Variants in EFCAB6 observed in about 807,000 individuals in gnomAD.
EFCAB6 encodes the protein EF-hand calcium-binding domain-containing protein 6.
In EFCAB6, 156 loss-of-function variants were observed where a neutral mutation model predicts 169.8. The ratio of observed to expected loss-of-function variants is 0.92; its 90% CI spans 0.81 to 1.05. The LOEUF is 1.05. Ranked by LOEUF, EFCAB6 falls within the 50% of genes least tolerant of loss-of-function variation. The pLI is 0.00. For synonymous variants in EFCAB6, 698 were observed against 676.4 expected, an observed-to-expected ratio of 1.03 and a Z score of -0.50; for missense variants, 1,800 against 1,829.1, an observed-to-expected ratio of 0.98 and a Z score of 0.29.
In EFCAB6 at chr22:43,678,134, T is replaced by C. The variant is rs762482957; in HGVS notation, c.1281A>G (p.Glu427=). 1.6e-5 allele frequency: 26 copies of C among 1,613,442 alleles called. No homozygotes were observed. Among genetic ancestry groups the C allele is most frequent in the Non-Finnish European group, 2.0e-5 (24 of 1,179,944 alleles). The change falls in exon 13 of 32, where the codon GAA becomes GAG. Residue 427 remains glutamate (E), a synonymous_variant. Coordinates refer to ENST00000262726, the MANE Select transcript of EFCAB6 (RefSeq NM_022785.4). ...TKPDGPITRE[E]FRYILNCMAV... ...CCATGCAATTTAGAATATATCGAAA[T>C]TCTTCTCTTGTTATCGGTCCATCGG...
intron 3 of EFCAB6, among the ~76,000 whole-genome samples, chr22:43,774,282 G>C (rs1391669585): frequency 6.6e-6 from 1 of 151,178 alleles, no homozygotes; most frequent in Non-Finnish European, 1.5e-5. Context: ...CACCCAGAGG[G>C]CAGGCTAGGA....
chr22:43,532,554 A>G (rs1321581803), intron 30 of EFCAB6, among the ~76,000 whole-genome samples: 1 of 150,808 alleles, frequency 6.6e-6, no homozygotes, highest in Admixed American at 6.6e-5. Context: ...GCACAGAAGA[A>G]CTGAGCTGGC....
chr22:43,576,273 C>A, intron 26 of EFCAB6, 24 bp downstream of exon 26: 1 of 1,554,494 alleles, frequency 6.4e-7, no homozygotes, highest in Non-Finnish European at 8.6e-7. Context: ...CAAAGAGATG[C>A]TTATGTGCTG....
Position 43,681,598 on chromosome 22 carries a change from T to C in EFCAB6, c.1251+2149A>G, listed in dbSNP as rs2058008470. 2.0e-5 allele frequency among the ~76,000 whole-genome samples: 3 copies of C among 152,026 alleles called. No individual in the cohort carries two copies. In the South Asian group the frequency reaches 6.2e-4, roughly 31 times the overall value. ...CATGTTTTTGTAAGACATATTTCTA[T>C]GTATTTGATTTTTTAAAATGTTATT... On this transcript the variant is annotated intron_variant, in intron 12 of 31. Coordinates refer to ENST00000262726, the MANE Select transcript of EFCAB6 (RefSeq NM_022785.4).
rs36014478 is a variant in EFCAB6, at chr22:43,537,829, CTGTG to C, written c.3880-288_3880-285del. Among the ~76,000 whole-genome samples the C allele has an allele frequency of 6.6e-6, 1 of 151,166 alleles. No individual in the cohort carries two copies. On this transcript the variant is annotated intron_variant, in intron 28 of 31. Coordinates refer to ENST00000262726, the MANE Select transcript of EFCAB6 (RefSeq NM_022785.4). The surrounding 1 kb of genome is among the most constrained non-coding windows in gnomAD (Gnocchi z 4.3). ...CAGATGAGATGTAAACATATTTCTG[CTGTG>C]TGTGTGTGTGTGTGAGAAGTGACAA...
At chr22:43,732,623 C>A (rs562664923) in intron 7 of EFCAB6, among the ~76,000 whole-genome samples, 1 of 151,792 alleles carries the variant, frequency 6.6e-6, no homozygotes, top group Non-Finnish European at 1.5e-5. Context: ...TACACCACCA[C>A]GCCTGGCTAA....
chr22:43,804,801 T>C (rs947180430), intron 2 of EFCAB6, among the ~76,000 whole-genome samples: 1 of 150,166 alleles, frequency 6.7e-6, no homozygotes, highest in African/African-American at 2.4e-5. Context: ...TAAACACAAT[T>C]GAGACAAGAA....
intron 22 of EFCAB6, among the ~76,000 whole-genome samples, chr22:43,607,343 A>G (rs2052996607): frequency 6.6e-6 from 1 of 152,134 alleles, no homozygotes; most frequent in Admixed American, 6.5e-5. Flanking sequence ...GGGGTTTTGC[A>G]CAGTTGTTGC....
chr22:43,623,149 T>TA (rs978666401), intron 20 of EFCAB6, among the ~76,000 whole-genome samples: 12 of 152,182 alleles, frequency 7.9e-5, no homozygotes, highest in African/African-American at 2.9e-4. Context: ...TTTCTAAGGA[T>TA]AAAAAAGGAA....
intron 26 of EFCAB6, among the ~76,000 whole-genome samples, chr22:43,566,656 G>T (rs2049452645): frequency 6.6e-6 from 1 of 152,146 alleles, no homozygotes; most frequent in African/African-American, 2.4e-5. Context: ...TTTCACCCAA[G>T]TCCAACCACC....
chr22:43,673,119 T>C (rs1417709207), intron 13 of EFCAB6, among the ~76,000 whole-genome samples: 1 of 152,136 alleles, frequency 6.6e-6, no homozygotes, highest in Non-Finnish European at 1.5e-5. Context: ...TCAAGGTACA[T>C]TTGGATACTA....
intron 21 of EFCAB6, 148 bp downstream of exon 21, chr22:43,615,677 TC>T (rs765544718): frequency 1.7e-4 from 94 of 552,038 alleles, no homozygotes; most frequent in Admixed American, 3.0e-4. Context: ...TTTGAAAAAG[TC>T]TTTTAAGAAT....
chr22:43,629,144 C>T (rs2054740926), intron 19 of EFCAB6, among the ~76,000 whole-genome samples: 1 of 152,090 alleles, frequency 6.6e-6, no homozygotes, highest in East Asian at 1.9e-4. Flanking sequence ...CCAGGTGGGG[C>T]CAGCCTGGAT....
chr22:43,762,138 C>T (rs1377223358), intron 5 of EFCAB6, among the ~76,000 whole-genome samples: 1 of 152,200 alleles, frequency 6.6e-6, no homozygotes, highest in Non-Finnish European at 1.5e-5. Flanking sequence ...CAAGGACAGA[C>T]CCTCATGCAA....
chr22:43,677,941 C>A, intron 13 of EFCAB6, 55 bp downstream of exon 13: 1 of 1,544,550 alleles, frequency 6.5e-7, no homozygotes, highest in East Asian at 2.3e-5. Flanking sequence ...ATTAGGAATA[C>A]TGAAATTTCC....
At chr22:43,676,358 G>T (rs1200869691) in intron 13 of EFCAB6, among the ~76,000 whole-genome samples, 1 of 149,848 alleles carries the variant, frequency 6.7e-6, no homozygotes, top group Non-Finnish European at 1.5e-5. Context: ...CAGGGAGGTT[G>T]CAGTGAGCCG....
At position 43,538,073 on chromosome 22, in the gene EFCAB6, G is replaced by A. The variant is rs563802989; in HGVS notation, c.3880-528C>T. ...CCAGGTTTTTTTTCCTGAAGTCCCC[G>A]TTGACAAGTGGTTATCTAAATTAGT... On this transcript the variant is annotated intron_variant, in intron 28 of 31. Coordinates refer to ENST00000262726, the MANE Select transcript of EFCAB6 (RefSeq NM_022785.4). 1.7e-3 allele frequency among the ~76,000 whole-genome samples: 261 copies of A among 152,202 alleles called. 3 individuals carry two copies. The highest frequency in any genetic ancestry group is 5.7e-3 in the African/African-American group (238 of 41,526).
intron 27 of EFCAB6, among the ~76,000 whole-genome samples, chr22:43,551,317 C>G (rs1214768757): frequency 3.9e-5 from 6 of 152,198 alleles, no homozygotes; most frequent in Non-Finnish European, 8.8e-5. Flanking sequence ...GGGGCATTTG[C>G]CCCAAGTATA....
rs6006439 is a variant in EFCAB6, at chr22:43,692,631, G to A, written c.1032-5050C>T. Among the ~76,000 whole-genome samples the A allele has an allele frequency of 8.8e-3, 1,336 of 152,146 alleles. 19 individuals carry two copies. The highest frequency in any genetic ancestry group is 0.031 in the African/African-American group (1,290 of 41,528). On this transcript the variant is annotated intron_variant, in intron 10 of 31. Transcript: ENST00000262726. ...TGAATAGACTTAACAAAAGAATAGAGAAGATAGAGAAAAGAGTGAGTGAAC... is the reference window on the plus strand; with the variant it reads ...TGAATAGACTTAACAAAAGAATAGAAAAGATAGAGAAAAGAGTGAGTGAAC...
Sources: gnomAD v4.1 joint callset for allele counts (sites outside exome capture counted in the v4.1 genomes callset) on GRCh38, gnomAD v4.1.1 for gene constraint, Gnocchi (gnomAD v3.1) non-coding constraint, MANE v1.5 for transcripts, NCBI Gene and HGNC (gene_info 2026-07-23, HGNC 2026-07-21) for gene names.